The following ADGRL2 variants were observed in gnomAD, a reference collection of about 807,000 sequenced individuals.
ADGRL2 encodes adhesion G protein-coupled receptor L2, also known as calcium-independent alpha-latrotoxin receptor 2.
Under a neutral mutation model 157.4 loss-of-function variants are expected in ADGRL2, and 44 were observed. The ratio of observed to expected loss-of-function variants is 0.28; its 90% CI spans 0.22 to 0.36. The LOEUF is 0.36. ADGRL2 is among the 10% of genes least tolerant of loss of function. The probability of loss-of-function intolerance (pLI) is 1.00; values close to 1 mark genes in which losing one functional copy is unlikely to be tolerated. For synonymous variants in ADGRL2, 585 were observed against 624.7 expected, an observed-to-expected ratio of 0.94 and a Z score of 0.95; for missense variants, 1,510 against 1,768.9, an observed-to-expected ratio of 0.85 and a Z score of 2.63.
In ADGRL2 at chr1:81,524,695, G is replaced by A. The variant is rs1162452184; in HGVS notation, c.-247-56181G>A. Among the ~76,000 whole-genome samples the A allele has an allele frequency of 3.3e-5, 5 of 151,914 alleles. No homozygotes were observed. The East Asian group carries it at 9.7e-4, about 29-fold the overall frequency. On this transcript the variant is annotated intron_variant, in intron 2 of 24. Transcript: ENST00000370721. The stretch of plus-strand genomic sequence containing the variant: ...TTAACAACAACAACCAAAAAAACAA[G>A]ATGCAAAACAGTATGTATAGCATGC...
intron 2 of ADGRL2, among the ~76,000 whole-genome samples, chr1:81,471,696 C>T (rs2078176056): frequency 6.6e-6 from 1 of 152,188 alleles, no homozygotes; most frequent in Non-Finnish European, 1.5e-5. Flanking sequence ...GTATATAGGC[C>T]GAATATAATT....
At chr1:81,566,445 G>A (rs1000998923) in intron 2 of ADGRL2, among the ~76,000 whole-genome samples, 6 of 152,232 alleles carry the variant, frequency 3.9e-5, no homozygotes, top group Admixed American at 3.9e-4. Flanking sequence ...TGGTTAAAAT[G>A]TAAATTAACG....
intron 1 of ADGRL2, among the ~76,000 whole-genome samples, chr1:81,386,346 C>A (rs1557647989): frequency 6.6e-6 from 1 of 152,086 alleles, no homozygotes. Context: ...GGTAAGGTAA[C>A]AATTGAATTG....
At chr1:81,384,071 T>G (rs894055997) in intron 1 of ADGRL2, among the ~76,000 whole-genome samples, 13 of 152,150 alleles carry the variant, frequency 8.5e-5, no homozygotes, top group Non-Finnish European at 1.8e-4. Context: ...CTCCACTCCA[T>G]TTTCATTTTT....
intron 3 of ADGRL2, among the ~76,000 whole-genome samples, chr1:81,618,521 G>C (rs902743201): frequency 6.6e-6 from 1 of 152,098 alleles, no homozygotes; most frequent in Non-Finnish European, 1.5e-5. Flanking sequence ...TTTTTCCTTG[G>C]TCTGAGGTTG....
At chr1:81,489,230 C>G (rs2078577684) in intron 2 of ADGRL2, among the ~76,000 whole-genome samples, 1 of 138,008 alleles carries the variant, frequency 7.2e-6, no homozygotes, top group Non-Finnish European at 1.5e-5. Context: ...GAGGGAGACT[C>G]TGTCTCAAAA....
chr1:81,693,962 T>G (rs934759629), intron 3 of ADGRL2, among the ~76,000 whole-genome samples: 1 of 152,138 alleles, frequency 6.6e-6, no homozygotes, highest in Admixed American at 6.5e-5. Context: ...GCAATGGATA[T>G]TATGGGCATC....
chr1:81,722,153 AGCGGT>A, intron 1 of ADGRL2: 1 of 364,030 alleles, frequency 2.7e-6, no homozygotes, highest in Non-Finnish European at 5.3e-6. Flanking sequence ...ATTAGCCGGG[AGCGGT>A]GGCAGGCGCC....
chr1:81,980,437 TA>T (rs1256314708), intron 18 of ADGRL2, among the ~76,000 whole-genome samples: 2 of 151,738 alleles, frequency 1.3e-5, no homozygotes, highest in Non-Finnish European at 3.0e-5. Context: ...TAATGTTGAA[TA>T]AAAGCTGCAA....
intron 1 of ADGRL2, among the ~76,000 whole-genome samples, chr1:81,419,344 C>G (rs2077086869): frequency 6.6e-6 from 1 of 152,054 alleles, no homozygotes; most frequent in Admixed American, 6.6e-5. Flanking sequence ...GCTGGGATTA[C>G]AGGTGTCCAC....
chr1:81,881,791 C>T (rs1342072704), intron 2 of ADGRL2, among the ~76,000 whole-genome samples: 1 of 152,222 alleles, frequency 6.6e-6, no homozygotes, highest in African/African-American at 2.4e-5. Context: ...TTTGCTTCCC[C>T]TGTAGACCTC....
intron 1 of ADGRL2, among the ~76,000 whole-genome samples, chr1:81,755,819 G>A (rs914989840): frequency 6.6e-6 from 1 of 151,946 alleles, no homozygotes; most frequent in African/African-American, 2.4e-5. Flanking sequence ...TTGAATGCCT[G>A]CTGTATTAAG....
intron 2 of ADGRL2, among the ~76,000 whole-genome samples, chr1:81,476,685 T>C (rs1228574196): frequency 6.6e-6 from 1 of 152,210 alleles, no homozygotes; most frequent in Non-Finnish European, 1.5e-5. Context: ...AAGTGTCCAA[T>C]TTCTAGTACA....
At chr1:81,453,392 A>T (rs909295207) in intron 2 of ADGRL2, among the ~76,000 whole-genome samples, 3 of 152,218 alleles carry the variant, frequency 2.0e-5, no homozygotes, top group African/African-American at 7.2e-5. Context: ...AAGTTTACAG[A>T]TTAATGAAGA....
intron 1 of ADGRL2, among the ~76,000 whole-genome samples, chr1:81,751,874 T>G (rs956912757): frequency 6.6e-6 from 1 of 152,210 alleles, no homozygotes; most frequent in African/African-American, 2.4e-5. Flanking sequence ...TAAGATTGTT[T>G]CAAAATAAGA....
chr1:81,695,458 T>G (rs2149006838), upstream of ADGRL2, among the ~76,000 whole-genome samples: 1 of 152,328 alleles, frequency 6.6e-6, no homozygotes, highest in African/African-American at 2.4e-5. Flanking sequence ...GGAAAGGACC[T>G]TGCCTTATAT....
chr1:81,668,888 A>G (rs1306668883), intron 3 of ADGRL2, among the ~76,000 whole-genome samples: 1 of 151,976 alleles, frequency 6.6e-6, no homozygotes, highest in African/African-American at 2.4e-5. Context: ...TGTTTTAACT[A>G]AGATTAATGA....
At chr1:81,695,328 C>CGATA (rs1271763686), upstream of ADGRL2, among the ~76,000 whole-genome samples, 32 of 151,910 alleles carry the variant, frequency 2.1e-4, no homozygotes, top group East Asian at 1.2e-3. Context: ...AATACTTTAT[C>CGATA]ATTTTCTAAT....
At chr1:81,871,329 TATC>T (rs2093688833) in intron 2 of ADGRL2, among the ~76,000 whole-genome samples, 1 of 152,108 alleles carries the variant, frequency 6.6e-6, no homozygotes. Flanking sequence ...TAATCCAGTC[TATC>T]ATTGATGGAC....
Sources: gnomAD v4.1 joint callset for allele counts (sites outside exome capture counted in the v4.1 genomes callset) on GRCh38, gnomAD v4.1.1 for gene constraint, MANE v1.5 for transcripts, NCBI Gene and HGNC (gene_info 2026-07-23, HGNC 2026-07-21) for gene names.